Variants in KANK4 observed in about 807,000 individuals in gnomAD.
KANK4 encodes the protein KN motif and ankyrin repeat domains 4, also known as KN motif and ankyrin repeat domain-containing protein 4.
A neutral mutation model predicts 80.8 loss-of-function variants in KANK4; 50 were observed. That is an observed-to-expected ratio of 0.62 (90% confidence interval 0.49 to 0.78). KANK4 has a LOEUF of 0.78. Ranked by LOEUF, KANK4 falls within the 30% of genes least tolerant of loss-of-function variation. The probability of loss-of-function intolerance (pLI) is 0.00; values close to 1 mark genes in which losing one functional copy is unlikely to be tolerated. For synonymous variants in KANK4, 465 were observed against 506.9 expected, an observed-to-expected ratio of 0.92 and a Z score of 1.11; for missense variants, 1,196 against 1,240.1, an observed-to-expected ratio of 0.96 and a Z score of 0.53.
chr1:62,245,132 G>A (rs1274309188), intron 9 of KANK4, among the ~76,000 whole-genome samples: 2 of 152,198 alleles, frequency 1.3e-5, no homozygotes, highest in African/African-American at 4.8e-5. Flanking sequence ...AGGGCCAGGG[G>A]CCTTTGATGT....
chr1:62,295,412 C>A (rs566256973), intron 1 of KANK4, among the ~76,000 whole-genome samples: 1 of 152,314 alleles, frequency 6.6e-6, no homozygotes, highest in African/African-American at 2.4e-5. Flanking sequence ...CCCGCCTTGG[C>A]CTCCCACAGT....
Position 62,273,540 on chromosome 1 carries a change from A to G in KANK4, c.1564T>C (p.Phe522Leu). 6.2e-7 allele frequency: 1 copy of G among 1,613,402 alleles called. No homozygotes were observed. ...GTCTTTCTGTCGCTGCCCCACAGAA[A>G]GCCTCCTGCTCCCCTGGTTCCTCCC... ...PQGGTRGAGG[F>L]LWGSDRKTPP... Residue 522 changes from phenylalanine (F) to leucine (L), a missense_variant, in exon 3 of 10, where the codon TTT becomes CTT. Physicochemically the swap from Phe to Leu is conservative, Grantham distance 22. Transcript: ENST00000371153.
chr1:62,250,207 CA>C (rs1409708673), intron 8 of KANK4, among the ~76,000 whole-genome samples: 2 of 151,132 alleles, frequency 1.3e-5, no homozygotes, highest in African/African-American at 4.9e-5. Flanking sequence ...AGGCTGGCCT[CA>C]AACTCCCGAC....
intron 1 of KANK4, among the ~76,000 whole-genome samples, chr1:62,286,649 C>T (rs892575782): frequency 7.2e-5 from 11 of 152,188 alleles, no homozygotes; most frequent in African/African-American, 2.4e-4. Context: ...GCTGATGTGG[C>T]TCATTAATGA....
intron 7 of KANK4, among the ~76,000 whole-genome samples, chr1:62,257,807 A>C (rs1671787257): frequency 6.6e-6 from 1 of 152,192 alleles, no homozygotes; most frequent in Admixed American, 6.5e-5. Context: ...TGTTAAAGGG[A>C]AAAGTTCCCA....
chr1:62,302,114 T>C (rs1240721630), intron 1 of KANK4, among the ~76,000 whole-genome samples: 5 of 152,040 alleles, frequency 3.3e-5, no homozygotes, highest in Non-Finnish European at 1.5e-5. Flanking sequence ...GGCTCGGGCT[T>C]AGTTTCAAAA....
chr1:62,274,808 G>A lies in KANK4; in HGVS notation c.296C>T (p.Ala99Val), dbSNP rs767988159. 2 of 1,614,142 alleles carry A rather than the reference G, an allele frequency of 1.2e-6. No homozygotes were observed. The highest frequency in any genetic ancestry group is 2.2e-5 in the South Asian group (2 of 91,084). ...QNWSPVVPREASLGTQEQNQS... is the reference protein window; with the variant it reads ...QNWSPVVPREVSLGTQEQNQS... Reference sequence around the variant, plus strand: ...GTTTTGCTCCTGTGTCCCAAGTGATGCCTCCCTTGGCACCACGGGAGACCA... The same window carrying A: ...GTTTTGCTCCTGTGTCCCAAGTGATACCTCCCTTGGCACCACGGGAGACCA... Residue 99 changes from alanine to valine, a missense_variant, in exon 3 of 10, where the codon GCA (alanine) becomes GTA (valine). Coordinates refer to ENST00000371153, the MANE Select transcript of KANK4 (RefSeq NM_181712.5).
At chr1:62,238,686 G>C (rs950032062) in intron 9 of KANK4, among the ~76,000 whole-genome samples, 9 of 150,376 alleles carry the variant, frequency 6.0e-5, no homozygotes, top group Non-Finnish European at 1.2e-4. Context: ...GTGGAGTGCA[G>C]TGGCGCAATC....
intron 2 of KANK4, among the ~76,000 whole-genome samples, chr1:62,279,198 G>GCACACA (rs10560623): frequency 0.011 from 1,642 of 146,042 alleles, 12 homozygotes; most frequent in East Asian, 0.034. Context: ...GCTAGCGCGC[G>GCACACA]CACACACACA....
Position 62,284,045 on chromosome 1 carries a change from A to G in KANK4, c.-70-2411T>C, listed in dbSNP as rs371937536. ...GGGTTTCTCGGCAACTTTTTACTCT[A>G]AAGGGCTCATAATACAGGAAGGAAG... On this transcript the variant is annotated intron_variant, in intron 1 of 9. Coordinates refer to ENST00000371153, the MANE Select transcript of KANK4 (RefSeq NM_181712.5). Among the ~76,000 whole-genome samples, 72 of 152,170 alleles carry G rather than the reference A, an allele frequency of 4.7e-4. 1 individual carries two copies. The East Asian group carries it at 6.8e-3, about 14-fold the overall frequency.
intron 9 of KANK4, among the ~76,000 whole-genome samples, chr1:62,244,675 C>T (rs1395986576): frequency 6.6e-6 from 1 of 152,172 alleles, no homozygotes; most frequent in Non-Finnish European, 1.5e-5. Context: ...TCCAATTAAA[C>T]CTCTTTCTTT....
At chr1:62,298,809 C>A (rs1360039873) in intron 1 of KANK4, among the ~76,000 whole-genome samples, 1 of 152,160 alleles carries the variant, frequency 6.6e-6, no homozygotes, top group Non-Finnish European at 1.5e-5. Flanking sequence ...CTGGTAAGTG[C>A]CCAATAAAAG....
chr1:62,304,715 T>A (rs921719867), intron 1 of KANK4, among the ~76,000 whole-genome samples: 4 of 151,752 alleles, frequency 2.6e-5, no homozygotes, highest in African/African-American at 9.7e-5. Flanking sequence ...ACCCGCCCCC[T>A]CGCCAACAGC....
At chr1:62,307,022 C>T (rs1010263966) in intron 1 of KANK4, among the ~76,000 whole-genome samples, 2 of 152,120 alleles carry the variant, frequency 1.3e-5, no homozygotes, top group Admixed American at 6.6e-5. Flanking sequence ...GGTGTCATCC[C>T]CAGTAAAGAT....
intron 1 of KANK4, among the ~76,000 whole-genome samples, chr1:62,289,665 GA>G (rs778538869): frequency 1.4e-5 from 2 of 144,778 alleles, no homozygotes; most frequent in Non-Finnish European, 3.2e-5. Flanking sequence ...AGTCACATGT[GA>G]TTTCTTTCCT....
chr1:62,300,118 G>T (rs1238934420), intron 1 of KANK4, among the ~76,000 whole-genome samples: 1 of 152,098 alleles, frequency 6.6e-6, no homozygotes, highest in Admixed American at 6.5e-5. Flanking sequence ...CCCCCTCCAG[G>T]GCAAAAGTGA....
At chr1:62,284,617 T>A (rs1281386889) in intron 1 of KANK4, among the ~76,000 whole-genome samples, 1 of 152,142 alleles carries the variant, frequency 6.6e-6, no homozygotes, top group East Asian at 1.9e-4. Flanking sequence ...CGGCACCTGA[T>A]CATAAAGCCA....
chr1:62,266,601 G>A (rs1455464443), intron 6 of KANK4, 131 bp downstream of exon 6: 1 of 661,706 alleles, frequency 1.5e-6, no homozygotes, highest in Admixed American at 2.5e-5. Flanking sequence ...ACTGTAAACT[G>A]CACACTCACA....
In KANK4 at chr1:62,253,065, ACCT is replaced by A. The variant is rs1243947944; in HGVS notation, c.2681_2682+1del. The A allele has an allele frequency of 1.2e-6, 2 of 1,613,662 alleles. No homozygotes were observed. The highest frequency in any genetic ancestry group is 1.7e-6 in the Non-Finnish European group (2 of 1,179,872). ...AGAGGAGATCCTGTTCATTCCACCC[ACCT>A]GAGTAGCTTGAATGTTCACATTTCC... On this transcript the variant is annotated splice_donor_variant and coding_sequence_variant, in exon 8 of 10. Transcript: ENST00000371153. LOFTEE classifies it high-confidence loss of function.
Sources: gnomAD v4.1 joint callset for allele counts (sites outside exome capture counted in the v4.1 genomes callset) on GRCh38, gnomAD v4.1.1 for gene constraint, MANE v1.5 for transcripts, NCBI Gene and HGNC (gene_info 2026-07-23, HGNC 2026-07-21) for gene names.